The following SLC6A5 variants were observed in gnomAD, a reference collection of about 807,000 sequenced individuals.
SLC6A5 encodes the protein solute carrier family 6 member 5, also known as sodium- and chloride-dependent glycine transporter 2.
SLC6A5 carries 58 observed loss-of-function variants against 90.5 expected under a neutral mutation model. The observed-to-expected ratio is 0.64, with a 90% confidence interval of 0.52 to 0.80. SLC6A5 has a LOEUF of 0.80. Ranked by LOEUF, SLC6A5 falls within the 30% of genes least tolerant of loss-of-function variation. The pLI, the probability that SLC6A5 is intolerant of heterozygous loss-of-function variation, is 0.00. For missense variants in SLC6A5, 1,015 were observed against 1,017.6 expected (o/e 1.00, Z 0.03); for synonymous variants, 427 against 401.4 (o/e 1.06, Z -0.76).
intron 5 of SLC6A5, among the ~76,000 whole-genome samples, chr11:20,610,239 C>T (rs1333742144): frequency 6.6e-6 from 1 of 152,220 alleles, no homozygotes; most frequent in Non-Finnish European, 1.5e-5. Flanking sequence ...ATGAGATGGC[C>T]CATCATTCCC....
At chr11:20,654,193 G>A (rs1439901432) in intron 15 of SLC6A5, among the ~76,000 whole-genome samples, 1 of 152,108 alleles carries the variant, frequency 6.6e-6, no homozygotes, top group Non-Finnish European at 1.5e-5. Flanking sequence ...GCTCACTCTT[G>A]GCGATGTATC....
Position 20,649,968 on chromosome 11 carries a change from A to G in SLC6A5, c.2071-2321A>G, listed in dbSNP as rs191587153. Among the ~76,000 whole-genome samples the G allele has an allele frequency of 5.3e-5, 8 of 152,318 alleles. No homozygotes were observed. In the East Asian group the frequency reaches 1.5e-3, roughly 29 times the overall value. On this transcript the variant is annotated intron_variant, in intron 14 of 15. Coordinates refer to ENST00000525748, the MANE Select transcript of SLC6A5 (RefSeq NM_004211.5). ...GGCTCATGTTGCTTTGAATCAATAT[A>G]TTGAATTATTATTGTACTGAAATAA...
At chr11:20,619,732 A>G (rs564300955) in intron 7 of SLC6A5, among the ~76,000 whole-genome samples, 142 of 152,198 alleles carry the variant, frequency 9.3e-4, no homozygotes, top group African/African-American at 3.2e-3. Flanking sequence ...GGTGATGTCT[A>G]AGGTCCTCTA....
intron 7 of SLC6A5, 29 bp downstream of exon 7, chr11:20,617,913 G>A (rs1286743603): frequency 1.9e-6 from 3 of 1,611,556 alleles, no homozygotes; most frequent in South Asian, 2.2e-5. Flanking sequence ...CTAAGAGAAA[G>A]CTGTGAGACA....
chr11:20,614,425 T>C (rs928701713), intron 5 of SLC6A5, among the ~76,000 whole-genome samples: 5 of 152,220 alleles, frequency 3.3e-5, no homozygotes, highest in African/African-American at 1.2e-4. Flanking sequence ...GCCTACCACA[T>C]AGAGAGTGTT....
At chr11:20,602,559 T>A (rs1852500367) in intron 2 of SLC6A5, among the ~76,000 whole-genome samples, 1 of 152,202 alleles carries the variant, frequency 6.6e-6, no homozygotes, top group South Asian at 2.1e-4. Flanking sequence ...TGCCTGCCTT[T>A]CTGCTATTTC....
chr11:20,607,446 T>C (rs1185099111), intron 4 of SLC6A5, 33 bp from the exon 5 acceptor site: 1 of 1,613,388 alleles, frequency 6.2e-7, no homozygotes, highest in South Asian at 1.1e-5. Flanking sequence ...GCATTTAAGA[T>C]GGAATGAACC....
rs115986140 is a variant in SLC6A5 at position 20,637,324 on chromosome 11, A to G, written c.1869+21A>G. Reference sequence around the variant, plus strand: ...CTCAGGTAAGCTGCCTCCTAGGCACAGGCTTGGGGTGGGGGCAGGAGGGTG... The same window carrying G: ...CTCAGGTAAGCTGCCTCCTAGGCACGGGCTTGGGGTGGGGGCAGGAGGGTG... On this transcript the variant is annotated intron_variant, in intron 12 of 15. Transcript: ENST00000525748. 6.8e-4 allele frequency: 781 copies of G among 1,141,548 alleles called. 5 individuals are homozygous for G. In the African/African-American group the frequency reaches 9.9e-3, roughly 14 times the overall value. 70.7% of individuals were successfully genotyped at this position (1,141,548 alleles called of 1,614,324 possible).
At chr11:20,645,877 C>T (rs141850261) in intron 13 of SLC6A5, among the ~76,000 whole-genome samples, 2,872 of 152,202 alleles carry the variant, frequency 0.019, 75 homozygotes, top group African/African-American at 0.066. Context: ...CCTCGTGATC[C>T]ACCTGCCTTG....
At chr11:20,617,661 C>T in intron 6 of SLC6A5, 91 bp from the exon 7 acceptor site, 1 of 1,154,696 alleles carries the variant, frequency 8.7e-7, no homozygotes, top group Non-Finnish European at 1.3e-6. Flanking sequence ...TGCAAGCCTC[C>T]TGGCTCTACT....
At position 20,635,125 on chromosome 11, in the gene SLC6A5, A is replaced by G. The variant is rs149938822; in HGVS notation, c.1625-1182A>G. Among the ~76,000 whole-genome samples, 676 of 152,268 alleles carry G rather than the reference A, an allele frequency of 4.4e-3. 8 individuals are homozygous for G. The highest frequency in any genetic ancestry group is 0.014 in the Middle Eastern group (4 of 294). On this transcript the variant is annotated intron_variant, in intron 10 of 15. Transcript: ENST00000525748. ...CAGAACCGCTAACTTCCAAGTTCAT[A>G]GTCCACTCATAATAGAAGATAATAT...
intron 14 of SLC6A5, among the ~76,000 whole-genome samples, chr11:20,650,184 A>G (rs1853497598): frequency 6.6e-6 from 1 of 152,184 alleles, no homozygotes; most frequent in Non-Finnish European, 1.5e-5. Flanking sequence ...GAGGACTTAC[A>G]TAGGTACATT....
chr11:20,657,829 T>C lies in SLC6A5; in HGVS notation c.*2961T>C, dbSNP rs1402568727. The stretch of plus-strand genomic sequence containing the variant: ...GTATATTTCTTAACAAGTGGTGTTG[T>C]GACTTCTTATGCAAATGTCTTGCAT... On this transcript the variant is annotated 3_prime_UTR_variant, in exon 16 of 16. Transcript: ENST00000525748. 6.6e-6 allele frequency: 1 copy of C among 152,254 alleles called. No homozygotes were observed. Among genetic ancestry groups the C allele is most frequent in the Non-Finnish European group, 1.5e-5 (1 of 68,048 alleles). 9.4% of individuals were successfully genotyped at this position (152,254 alleles called of 1,614,324 possible). A position where few individuals can be genotyped will look rare whatever the true frequency, so the allele number is the denominator to read the frequency against.
Position 20,630,514 on chromosome 11 carries a change from A to T in SLC6A5, c.1500-177A>T, listed in dbSNP as rs564421135. On this transcript the variant is annotated intron_variant, in intron 9 of 15. Transcript: ENST00000525748. Reference sequence around the variant, plus strand: ...CAGGGCTATTAGGGGATATCGTCTGAGCCTTTTGGTGCTTTTTAAGTGAGC... The same window carrying T: ...CAGGGCTATTAGGGGATATCGTCTGTGCCTTTTGGTGCTTTTTAAGTGAGC... Among the ~76,000 whole-genome samples, 63 of 152,316 alleles carry T rather than the reference A, an allele frequency of 4.1e-4. 1 individual carries two copies. In the South Asian group the frequency reaches 0.013, roughly 31 times the overall value.
chr11:20,600,066 G>T (rs1190982775), intron 1 of SLC6A5, among the ~76,000 whole-genome samples: 1 of 152,068 alleles, frequency 6.6e-6, no homozygotes, highest in African/African-American at 2.4e-5. Context: ...TGTGAAAGGG[G>T]GTTAGACGAG....
chr11:20,653,153 G>C (rs1205353591), intron 15 of SLC6A5, among the ~76,000 whole-genome samples: 1 of 152,180 alleles, frequency 6.6e-6, no homozygotes, highest in African/African-American at 2.4e-5. Flanking sequence ...GGAGTCACTT[G>C]CTCAGGTGTG....
chr11:20,638,562 A>G lies in SLC6A5; in HGVS notation c.1969+4A>G. 1.3e-6 allele frequency: 2 copies of G among 1,557,322 alleles called. No homozygotes were observed. Among genetic ancestry groups the G allele is most frequent in the Non-Finnish European group, 1.8e-6 (2 of 1,128,520 alleles). On this transcript the variant is annotated splice_donor_region_variant and intron_variant, in intron 13 of 15. Coordinates refer to ENST00000525748, the MANE Select transcript of SLC6A5 (RefSeq NM_004211.5). Reference sequence around the variant, plus strand: ...GTGGGGATCTCTTATGTGTATGGTAAGGAAATCACTGTGCCTGTTGCTGAA... The same window carrying G: ...GTGGGGATCTCTTATGTGTATGGTAGGGAAATCACTGTGCCTGTTGCTGAA...
intron 13 of SLC6A5, among the ~76,000 whole-genome samples, chr11:20,640,344 C>T (rs1945773): frequency 0.29 from 44,705 of 152,048 alleles, 7,275 homozygotes; most frequent in South Asian, 0.5. Context: ...TTTAAAACAT[C>T]ATTAAAATAG....
chr11:20,652,959 T>C (rs1353860099), intron 15 of SLC6A5, among the ~76,000 whole-genome samples: 1 of 152,184 alleles, frequency 6.6e-6, no homozygotes, highest in Non-Finnish European at 1.5e-5. Flanking sequence ...CCACAGAATG[T>C]AGTGAGAATT....
Sources: allele counts gnomAD v4.1 joint callset (sites outside exome capture counted in the v4.1 genomes callset), GRCh38; gene constraint gnomAD v4.1.1; transcripts MANE v1.5; gene names NCBI Gene and HGNC (gene_info 2026-07-23, HGNC 2026-07-21).